VWC2: variants seen among roughly 807,000 people sequenced by gnomAD.
VWC2 encodes von Willebrand factor C domain containing 2.
In VWC2, 14 loss-of-function variants were observed where a neutral mutation model predicts 29.8. The observed-to-expected ratio is 0.47, with a 90% CI of 0.31 to 0.74. The LOEUF (loss-of-function observed/expected upper bound fraction) is 0.74. Ranked by LOEUF, VWC2 falls within the 30% of genes least tolerant of loss-of-function variation. The pLI, the probability that VWC2 is intolerant of heterozygous loss-of-function variation, is 0.05. For missense variants in VWC2, 457 were observed against 459.8 expected, an observed-to-expected ratio of 0.99 and a Z score of 0.05; for synonymous variants, 213 against 199.0, an observed-to-expected ratio of 1.07 and a Z score of -0.59.
At chr7:49,813,134 A>G (rs10239501) in intron 3 of VWC2, among the ~76,000 whole-genome samples, 46,810 of 152,116 alleles carry the variant, frequency 0.31, 7,722 homozygotes, top group Middle Eastern at 0.37. Context: ...TCTCCGTGTC[A>G]TTCTAGGCTC....
chr7:49,828,021 T>C (rs1789442282), intron 3 of VWC2, among the ~76,000 whole-genome samples: 1 of 152,210 alleles, frequency 6.6e-6, no homozygotes, highest in African/African-American at 2.4e-5. Flanking sequence ...CATTACCATG[T>C]AATTCCCATC....
intron 2 of VWC2, among the ~76,000 whole-genome samples, chr7:49,797,082 A>G (rs553767405): frequency 1.1e-4 from 17 of 152,354 alleles, no homozygotes; most frequent in Admixed American, 5.9e-4. Flanking sequence ...AAACATGTCT[A>G]TAAGTATTGA....
chr7:49,779,057 G>A (rs372343654), intron 2 of VWC2, among the ~76,000 whole-genome samples: 2 of 146,766 alleles, frequency 1.4e-5, no homozygotes, highest in Non-Finnish European at 3.0e-5. Flanking sequence ...GAGAGAGAGA[G>A]AGACAGAGAC....
intron 3 of VWC2, among the ~76,000 whole-genome samples, chr7:49,874,528 T>C (rs1308937818): frequency 6.7e-6 from 1 of 149,804 alleles, no homozygotes; most frequent in Non-Finnish European, 1.5e-5. Context: ...TCCTCGTTGT[T>C]ACATGACGCA....
rs78476852 is a variant in VWC2 at position 49,797,423 on chromosome 7, A to C, written c.697-5288A>C. ...AGTCATAGTGGAAAAAAATATTCAC[A>C]AACATAATTATTCTTCATTGTTTTG... On this transcript the variant is annotated intron_variant, in intron 2 of 3. Transcript: ENST00000340652. 9.3e-3 allele frequency among the ~76,000 whole-genome samples: 1,422 copies of C among 152,348 alleles called. 32 individuals carry two copies. Among genetic ancestry groups the C allele is most frequent in the African/African-American group, 0.033 (1,367 of 41,578 alleles).
intron 2 of VWC2, among the ~76,000 whole-genome samples, chr7:49,778,318 T>G (rs1788095269): frequency 6.6e-6 from 1 of 152,182 alleles, no homozygotes; most frequent in African/African-American, 2.4e-5. Flanking sequence ...AAAATACCAG[T>G]AAAGCTATTT....
chr7:49,863,575 G>A (rs1305411374), intron 3 of VWC2, among the ~76,000 whole-genome samples: 3 of 152,096 alleles, frequency 2.0e-5, no homozygotes, highest in Non-Finnish European at 2.9e-5. Context: ...GGGACTACAG[G>A]TGTGCACCAC....
At chr7:49,806,012 A>G (rs1261765169) in intron 3 of VWC2, among the ~76,000 whole-genome samples, 2 of 152,254 alleles carry the variant, frequency 1.3e-5, no homozygotes, top group Non-Finnish European at 2.9e-5. Flanking sequence ...TAATATATTC[A>G]CTTTGTTGAC....
rs1428358775 is a variant in VWC2, at chr7:49,919,407, T to C, written c.*7222T>C. 1.3e-5 allele frequency: 2 copies of C among 152,152 alleles called. No homozygotes were observed. The highest frequency in any genetic ancestry group is 4.1e-4 in the South Asian group (2 of 4,824). 9.4% of individuals were successfully genotyped at this position (152,152 alleles called of 1,614,324 possible). ...ACATCAGTATTATGATTTATACTTT[T>C]AAGCAAAATTTTGCCATTTTCTGAT... On this transcript the variant is annotated 3_prime_UTR_variant, in exon 4 of 4. Transcript: ENST00000340652.
chr7:49,877,376 C>A (rs1295744887), intron 3 of VWC2, among the ~76,000 whole-genome samples: 1 of 142,786 alleles, frequency 7.0e-6, no homozygotes, highest in African/African-American at 2.6e-5. Flanking sequence ...ACAAGAGAAT[C>A]ACTTGAACCT....
intron 2 of VWC2, among the ~76,000 whole-genome samples, chr7:49,792,281 A>G (rs1173413676): frequency 6.6e-6 from 1 of 152,222 alleles, no homozygotes. Flanking sequence ...TGCCAACAGC[A>G]ATTTAACCAT....
chr7:49,897,845 C>T (rs1171317211), intron 3 of VWC2, among the ~76,000 whole-genome samples: 3 of 152,198 alleles, frequency 2.0e-5, no homozygotes, highest in Non-Finnish European at 4.4e-5. Context: ...AGTTCCCACA[C>T]TTTGAGTTTT....
chr7:49,889,761 T>C (rs1401354916), intron 3 of VWC2, among the ~76,000 whole-genome samples: 1 of 152,162 alleles, frequency 6.6e-6, no homozygotes, highest in Non-Finnish European at 1.5e-5. Flanking sequence ...CAAACCTGAT[T>C]AACATATTTT....
chr7:49,906,025 T>A (rs1311006409), intron 3 of VWC2, among the ~76,000 whole-genome samples: 3 of 152,178 alleles, frequency 2.0e-5, no homozygotes, highest in Admixed American at 6.5e-5. Flanking sequence ...AGAAAACTCA[T>A]AAATAATTGA....
chr7:49,804,475 T>C (rs950289841), intron 3 of VWC2, among the ~76,000 whole-genome samples: 1 of 152,160 alleles, frequency 6.6e-6, no homozygotes, highest in Admixed American at 6.5e-5. Context: ...AGGGGTTTAG[T>C]GAATGGCTTA....
chr7:49,799,286 A>G lies in VWC2; in HGVS notation c.697-3425A>G, dbSNP rs76292839. Among the ~76,000 whole-genome samples, 4 of 152,256 alleles carry G rather than the reference A, an allele frequency of 2.6e-5. No homozygotes were observed. In the East Asian group the frequency reaches 7.7e-4, roughly 29 times the overall value. The stretch of plus-strand genomic sequence containing the variant: ...AGGCCTAGGACAGCCCGCCTGCAGG[A>G]GATGGGAACATAAACCAAGTGAAGG... On this transcript the variant is annotated intron_variant, in intron 2 of 3. Coordinates refer to ENST00000340652, the MANE Select transcript of VWC2 (RefSeq NM_198570.5).
In VWC2 at chr7:49,776,038, C is replaced by G; in HGVS notation, c.603C>G (p.His201Gln). The G allele has an allele frequency of 1.3e-6, 2 of 1,547,690 alleles. No homozygotes were observed. The highest frequency in any genetic ancestry group is 1.7e-6 in the Non-Finnish European group (2 of 1,152,358). ...ECPRLHPRCIHVDTSQCCPQC... is the reference protein window; with the variant it reads ...ECPRLHPRCIQVDTSQCCPQC... ...CGAGGCTGCACCCGCGCTGCATCCA[C>G]GTCGACACGAGCCAGTGCTGCCCGC... Residue 201 changes from histidine to glutamine, a missense_variant, in exon 2 of 4, where the codon CAC becomes CAG. His to Gln is a conservative substitution (Grantham distance 24). Transcript: ENST00000340652.
intron 3 of VWC2, among the ~76,000 whole-genome samples, chr7:49,829,049 G>A (rs150450712): frequency 3.3e-5 from 5 of 152,272 alleles, no homozygotes; most frequent in Non-Finnish European, 7.4e-5. Flanking sequence ...TAACCCTGCC[G>A]CTTCCCAGTG....
At chr7:49,853,360 C>T (rs1790276476) in intron 3 of VWC2, among the ~76,000 whole-genome samples, 1 of 152,238 alleles carries the variant, frequency 6.6e-6, no homozygotes, top group African/African-American at 2.4e-5. Flanking sequence ...GAAGTCATGC[C>T]TGAAGTCTGG....
Sources: allele counts gnomAD v4.1 joint callset (sites outside exome capture counted in the v4.1 genomes callset), GRCh38; gene constraint gnomAD v4.1.1; transcripts MANE v1.5; gene names NCBI Gene and HGNC (gene_info 2026-07-23, HGNC 2026-07-21).